The following MAGI2 variants were observed in gnomAD, a reference collection of about 807,000 sequenced individuals.
MAGI2 encodes the protein membrane-associated guanylate kinase, WW and PDZ domain-containing protein 2.
Under a neutral mutation model 133.3 loss-of-function variants are expected in MAGI2, and 35 were observed. The ratio of observed to expected loss-of-function variants is 0.26; its 90% CI spans 0.20 to 0.35. MAGI2 has a LOEUF of 0.35. Among genes scored for constraint, MAGI2 ranks in the 10% least tolerant of loss-of-function variants. The pLI, the probability that MAGI2 is intolerant of heterozygous loss-of-function variation, is 1.00. For missense variants in MAGI2, 1,636 were observed against 1,863.4 expected (o/e 0.88, Z 2.25); for synonymous variants, 729 against 710.6 (o/e 1.03, Z -0.41).
At chr7:78,324,759 G>A (rs954191359) in intron 9 of MAGI2, among the ~76,000 whole-genome samples, 7 of 152,164 alleles carry the variant, frequency 4.6e-5, no homozygotes, top group African/African-American at 9.6e-5. Flanking sequence ...TCAGGAGTTC[G>A]AGACCAGCCT....
chr7:78,126,735 T>C (rs998875564), intron 19 of MAGI2, among the ~76,000 whole-genome samples: 8 of 152,242 alleles, frequency 5.3e-5, no homozygotes, highest in African/African-American at 1.4e-4. Flanking sequence ...CTGGTCTTAT[T>C]CTTACGCACA....
intron 1 of MAGI2, among the ~76,000 whole-genome samples, chr7:79,404,514 CTT>C (rs993318337): frequency 5.3e-5 from 8 of 152,192 alleles, no homozygotes; most frequent in African/African-American, 9.6e-5. Context: ...AACATTTCTT[CTT>C]GAGTTATATG....
intron 11 of MAGI2, among the ~76,000 whole-genome samples, chr7:78,195,934 T>C (rs1828688381): frequency 6.6e-6 from 1 of 152,158 alleles, no homozygotes; most frequent in South Asian, 2.1e-4. Flanking sequence ...ACCGGCAGCG[T>C]ATGTAAGATT....
rs74302910 is a variant in MAGI2, at chr7:78,814,045, G to A, written c.419-186806C>T. Among the ~76,000 whole-genome samples the A allele has an allele frequency of 3.9e-5, 6 of 152,074 alleles. No individual in the cohort carries two copies. In the East Asian group the frequency reaches 1.2e-3, roughly 29 times the overall value. On this transcript the variant is annotated intron_variant, in intron 2 of 21. Coordinates refer to ENST00000354212, the MANE Select transcript of MAGI2 (RefSeq NM_012301.4). ...TAAATCAAGAAAATGAAATCAATAA[G>A]TTTTCTCCATTTTTGGATGTTATTG...
At chr7:79,172,758 G>C (rs1054136963) in intron 1 of MAGI2, among the ~76,000 whole-genome samples, 7 of 151,984 alleles carry the variant, frequency 4.6e-5, no homozygotes, top group African/African-American at 1.4e-4. Context: ...AACAGAAATA[G>C]GATGTTATCT....
intron 1 of MAGI2, among the ~76,000 whole-genome samples, chr7:79,347,850 C>G (rs1309107813): frequency 1.3e-5 from 2 of 151,724 alleles, no homozygotes; most frequent in African/African-American, 4.8e-5. Flanking sequence ...TTAAACTATC[C>G]CAGGATTATG....
At chr7:78,351,335 C>T (rs1027799773) in intron 7 of MAGI2, among the ~76,000 whole-genome samples, 1 of 151,916 alleles carries the variant, frequency 6.6e-6, no homozygotes, top group African/African-American at 2.4e-5. Context: ...GGCAAAATCC[C>T]GTCTCTACTA....
chr7:78,679,818 G>C (rs1035469720), intron 2 of MAGI2, among the ~76,000 whole-genome samples: 1 of 152,056 alleles, frequency 6.6e-6, no homozygotes, highest in African/African-American at 2.4e-5. Flanking sequence ...CAAAACATAA[G>C]GAAATTGTGC....
At chr7:78,937,339 T>C (rs1325071247) in intron 2 of MAGI2, among the ~76,000 whole-genome samples, 2 of 152,144 alleles carry the variant, frequency 1.3e-5, no homozygotes, top group Non-Finnish European at 1.5e-5. Flanking sequence ...AAGACACCTA[T>C]TCCTTTTAAT....
chr7:78,855,667 G>A (rs1192656011), intron 2 of MAGI2, among the ~76,000 whole-genome samples: 1 of 152,184 alleles, frequency 6.6e-6, no homozygotes, highest in Admixed American at 6.5e-5. Flanking sequence ...ATGGACATCT[G>A]GGTTGGTTCC....
In MAGI2 at chr7:78,715,423, A is replaced by C. The variant is rs1436793429; in HGVS notation, c.419-88184T>G. 2.0e-5 allele frequency among the ~76,000 whole-genome samples: 3 copies of C among 152,164 alleles called. No homozygotes were observed. In the East Asian group the frequency reaches 5.8e-4, roughly 29 times the overall value. On this transcript the variant is annotated intron_variant, in intron 2 of 21. Transcript: ENST00000354212. Reference sequence around the variant, plus strand: ...CCTTGGTTTTATCATTGTATATCTTACCTGTTAAAAATTAAGGACTTTGTC... The same window carrying C: ...CCTTGGTTTTATCATTGTATATCTTCCCTGTTAAAAATTAAGGACTTTGTC...
chr7:79,231,854 G>A (rs1186021066), intron 1 of MAGI2, among the ~76,000 whole-genome samples: 1 of 151,800 alleles, frequency 6.6e-6, no homozygotes, highest in African/African-American at 2.4e-5. Flanking sequence ...GTGAGAGAGG[G>A]CATCCCTGTC....
chr7:78,615,726 A>G (rs1322660281), intron 3 of MAGI2: 2 of 152,154 alleles, frequency 1.3e-5, no homozygotes, highest in East Asian at 3.9e-4. Context: ...TCTACCCATC[A>G]TTGTCAGGAT....
chr7:78,386,376 T>A (rs1795391999), intron 6 of MAGI2, among the ~76,000 whole-genome samples: 1 of 152,130 alleles, frequency 6.6e-6, no homozygotes, highest in Admixed American at 6.6e-5. Flanking sequence ...GGGTAAGATT[T>A]CCTCCACAGT....
At chr7:78,087,330 T>A (rs1396842138) in intron 20 of MAGI2, among the ~76,000 whole-genome samples, 1 of 152,214 alleles carries the variant, frequency 6.6e-6, no homozygotes, top group East Asian at 1.9e-4. Context: ...ACAAGGTTTA[T>A]AATAAAATTC....
chr7:78,461,687 G>A (rs1407677816), intron 6 of MAGI2, among the ~76,000 whole-genome samples: 5 of 151,694 alleles, frequency 3.3e-5, no homozygotes, highest in African/African-American at 1.2e-4. Flanking sequence ...TGAGGTGGGC[G>A]GATCACCTGA....
intron 3 of MAGI2, among the ~76,000 whole-genome samples, chr7:78,569,143 C>G (rs1373748846): frequency 1.3e-5 from 2 of 151,012 alleles, no homozygotes; most frequent in Non-Finnish European, 3.0e-5. Flanking sequence ...CACACACACA[C>G]ACACGTCACT....
intron 8 of MAGI2, 61 bp downstream of exon 8, chr7:78,345,861 G>A: frequency 6.3e-7 from 1 of 1,599,286 alleles, no homozygotes; most frequent in South Asian, 1.1e-5. Flanking sequence ...ATATTTGGAA[G>A]AGCAGGCAGT....
chr7:79,061,635 C>A (rs1029162530), intron 1 of MAGI2, among the ~76,000 whole-genome samples: 4 of 151,796 alleles, frequency 2.6e-5, no homozygotes, highest in Admixed American at 2.0e-4. Flanking sequence ...ATAACTGGGA[C>A]CAAGATTAGG....
Sources: gnomAD v4.1 joint callset for allele counts (sites outside exome capture counted in the v4.1 genomes callset) on GRCh38, gnomAD v4.1.1 for gene constraint, MANE v1.5 for transcripts, NCBI Gene and HGNC (gene_info 2026-07-23, HGNC 2026-07-21) for gene names.